CCBE1: variants seen among roughly 807,000 people sequenced by gnomAD.
CCBE1 encodes collagen and calcium-binding EGF domain-containing protein 1.
A neutral mutation model predicts 50.0 loss-of-function variants in CCBE1; 37 were observed. The ratio of observed to expected loss-of-function variants is 0.74; its 90% CI spans 0.57 to 0.97. The LOEUF (loss-of-function observed/expected upper bound fraction) is 0.97, where lower values mean the gene tolerates loss of function less well. CCBE1 is among the 50% of genes least tolerant of loss of function. The probability of loss-of-function intolerance (pLI) is 0.00; values close to 1 mark genes in which losing one functional copy is unlikely to be tolerated. For missense variants in CCBE1, 538 were observed against 523.8 expected (o/e 1.03, Z -0.26); for synonymous variants, 234 against 203.7 (o/e 1.15, Z -1.27).
At chr18:59,525,471 C>T (rs1914780475) in intron 2 of CCBE1, among the ~76,000 whole-genome samples, 3 of 152,008 alleles carry the variant, frequency 2.0e-5, no homozygotes, top group Admixed American at 6.6e-5. Flanking sequence ...GGATAGGTTG[C>T]AAAAGTTCCT....
chr18:59,675,452 T>C (rs1652063), intron 2 of CCBE1, among the ~76,000 whole-genome samples: 148,820 of 152,296 alleles, frequency 0.98, 72,792 homozygotes, highest in Non-Finnish European at 1. Flanking sequence ...CCCCCACACA[T>C]GGGACTACTG....
intron 2 of CCBE1, among the ~76,000 whole-genome samples, chr18:59,647,641 T>C (rs1007872973): frequency 6.6e-6 from 1 of 152,188 alleles, no homozygotes; most frequent in African/African-American, 2.4e-5. Flanking sequence ...AATGCACGCA[T>C]ATTAGAACTT....
intron 2 of CCBE1, among the ~76,000 whole-genome samples, chr18:59,634,014 T>G (rs533900091): frequency 6.6e-6 from 1 of 152,250 alleles, no homozygotes; most frequent in East Asian, 1.9e-4. Flanking sequence ...GCATTAAATG[T>G]GAGGAAGAAG....
chr18:59,641,928 T>C (rs886363899), intron 2 of CCBE1, among the ~76,000 whole-genome samples: 3 of 152,170 alleles, frequency 2.0e-5, no homozygotes, highest in Non-Finnish European at 4.4e-5. Flanking sequence ...TCCTGTCTCA[T>C]ACTTTACATA....
intron 2 of CCBE1, among the ~76,000 whole-genome samples, chr18:59,680,056 A>G (rs2054564926): frequency 6.6e-6 from 1 of 151,878 alleles, no homozygotes; most frequent in Non-Finnish European, 1.5e-5. Flanking sequence ...CCCCGTCTCT[A>G]CTAAAAATAC....
At chr18:59,450,614 A>G (rs1910885507) in intron 6 of CCBE1, among the ~76,000 whole-genome samples, 1 of 152,154 alleles carries the variant, frequency 6.6e-6, no homozygotes, top group Admixed American at 6.5e-5. Context: ...GTTCACTACA[A>G]CCTCTGCCTC....
At chr18:59,582,130 T>C (rs1453422111) in intron 2 of CCBE1, among the ~76,000 whole-genome samples, 1 of 152,138 alleles carries the variant, frequency 6.6e-6, no homozygotes, top group Non-Finnish European at 1.5e-5. Context: ...TCCTGTACCC[T>C]CCGGAAAGCT....
intron 2 of CCBE1, among the ~76,000 whole-genome samples, chr18:59,580,544 C>A (rs2144508196): frequency 6.6e-6 from 1 of 152,302 alleles, no homozygotes; most frequent in Non-Finnish European, 1.5e-5. Context: ...CTCAGATATT[C>A]AGGGATCAGA....
intron 2 of CCBE1, among the ~76,000 whole-genome samples, chr18:59,650,691 A>G (rs1201780783): frequency 1.3e-5 from 2 of 151,340 alleles, no homozygotes; most frequent in African/African-American, 4.9e-5. Flanking sequence ...TGGAATTTAC[A>G]GCCGCCTCTT....
intron 2 of CCBE1, among the ~76,000 whole-genome samples, chr18:59,682,089 C>A (rs188557687): frequency 2.8e-4 from 42 of 152,288 alleles, no homozygotes; most frequent in Non-Finnish European, 4.0e-4. Flanking sequence ...CCAGACCGGG[C>A]GCGTTGGCTC....
chr18:59,595,513 A>T (rs900235814), intron 2 of CCBE1, among the ~76,000 whole-genome samples: 1 of 152,158 alleles, frequency 6.6e-6, no homozygotes, highest in Non-Finnish European at 1.5e-5. Context: ...AAATTCAATA[A>T]ATGTTCCCCT....
chr18:59,522,333 A>G (rs1568185145), intron 2 of CCBE1, among the ~76,000 whole-genome samples: 2 of 152,222 alleles, frequency 1.3e-5, no homozygotes, highest in South Asian at 2.1e-4. Flanking sequence ...TAATTGACAT[A>G]AAGAAGAGGT....
At chr18:59,454,747 A>G (rs1911100165) in intron 6 of CCBE1, 104 bp downstream of exon 6, 1 of 1,014,426 alleles carries the variant, frequency 9.9e-7, no homozygotes, top group Non-Finnish European at 1.5e-6. Context: ...AACTGCGTGA[A>G]TGCTCAATGT....
At chr18:59,692,624 C>T (rs888134406) in intron 2 of CCBE1, among the ~76,000 whole-genome samples, 4 of 152,178 alleles carry the variant, frequency 2.6e-5, no homozygotes, top group Non-Finnish European at 5.9e-5. Flanking sequence ...CTTCAAAGCA[C>T]TCCAAGTAAA....
intron 2 of CCBE1, among the ~76,000 whole-genome samples, chr18:59,580,733 T>G (rs2053072269): frequency 6.6e-6 from 1 of 152,186 alleles, no homozygotes; most frequent in Non-Finnish European, 1.5e-5. Flanking sequence ...TTTGCTCACT[T>G]CCAACATTTT....
At chr18:59,504,715 G>A (rs999336070) in intron 2 of CCBE1, among the ~76,000 whole-genome samples, 4 of 152,116 alleles carry the variant, frequency 2.6e-5, no homozygotes, top group African/African-American at 4.8e-5. Context: ...TGGAGTCTGC[G>A]ATGTCCTCCT....
At chr18:59,655,950 T>C (rs2144675968) in intron 2 of CCBE1, among the ~76,000 whole-genome samples, 1 of 152,340 alleles carries the variant, frequency 6.6e-6, no homozygotes, top group East Asian at 1.9e-4. Context: ...GTCTAGGATG[T>C]TTTCACAAAC....
At chr18:59,515,193 G>A (rs988153972) in intron 2 of CCBE1, among the ~76,000 whole-genome samples, 5 of 152,216 alleles carry the variant, frequency 3.3e-5, no homozygotes, top group Admixed American at 6.5e-5. Context: ...CAACCTACAC[G>A]TTCTTTGCGC....
intron 2 of CCBE1, among the ~76,000 whole-genome samples, chr18:59,660,131 G>A (rs80257265): frequency 0.019 from 2,836 of 152,250 alleles, 85 homozygotes; most frequent in African/African-American, 0.066. Context: ...TGAGAGTGCC[G>A]AAAGGGGCCG....
Sources: allele counts gnomAD v4.1 joint callset (sites outside exome capture counted in the v4.1 genomes callset), GRCh38; gene constraint gnomAD v4.1.1; transcripts MANE v1.5; gene names NCBI Gene and HGNC (gene_info 2026-07-23, HGNC 2026-07-21).